NEURL1B: variants seen among roughly 807,000 people sequenced by gnomAD.
NEURL1B encodes the protein neuralized E3 ubiquitin protein ligase 1B, also known as E3 ubiquitin-protein ligase NEURL1B.
Under a neutral mutation model 37.4 loss-of-function variants are expected in NEURL1B, and 13 were observed. The observed-to-expected ratio is 0.35, with a 90% CI of 0.23 to 0.55. The LOEUF is 0.55. NEURL1B is among the 20% of genes least tolerant of loss of function. The probability of loss-of-function intolerance (pLI) is 0.89; values close to 1 mark genes in which losing one functional copy is unlikely to be tolerated. For synonymous variants in NEURL1B, 432 were observed against 426.6 expected (o/e 1.01, Z -0.16); for missense variants, 790 against 879.2 (o/e 0.90, Z 1.28).
At position 172,690,650 on chromosome 5, in the gene NEURL1B, A is replaced by G. The variant is rs920286472; in HGVS notation, c.*3725A>G. 6.6e-6 allele frequency: 1 copy of G among 152,230 alleles called. No individual in the cohort carries two copies. Among genetic ancestry groups the G allele is most frequent in the South Asian group, 2.1e-4 (1 of 4,830 alleles). The allele number at this position is 152,230 out of a possible 1,614,324, so 9.4% of individuals were successfully genotyped here. A position where few individuals can be genotyped will look rare whatever the true frequency, so the allele number is the denominator to read the frequency against. ...CAGAATCCACTGGGCTCTCTTGGCC[A>G]TCCGCTGCCTTGGGTCTGTTGAGGT... On this transcript the variant is annotated 3_prime_UTR_variant, in exon 5 of 5. Coordinates refer to ENST00000369800, the MANE Select transcript of NEURL1B (RefSeq NM_001142651.3).
chr5:172,672,976 A>G lies in NEURL1B; in HGVS notation c.577+2646A>G, dbSNP rs149373234. 2.2e-3 allele frequency among the ~76,000 whole-genome samples: 331 copies of G among 151,552 alleles called. 2 individuals are homozygous for G. Among genetic ancestry groups the G allele is most frequent in the African/African-American group, 7.5e-3 (309 of 40,930 alleles). On this transcript the variant is annotated intron_variant, in intron 2 of 4. Coordinates refer to ENST00000369800, the MANE Select transcript of NEURL1B (RefSeq NM_001142651.3). ...AAGGTTATTGTCCTTTCTGAAGGTT[A>G]TATGAGATAATAGAGGGGAAGTTTC...
chr5:172,662,945 G>A (rs1477887681), intron 1 of NEURL1B, among the ~76,000 whole-genome samples: 1 of 151,058 alleles, frequency 6.6e-6, no homozygotes, highest in Non-Finnish European at 1.5e-5. Context: ...ATGGGGGTTA[G>A]GCTGGGCATG....
intron 1 of NEURL1B, chr5:172,656,546 A>C: frequency 1.2e-6 from 2 of 1,610,416 alleles, no homozygotes; most frequent in Non-Finnish European, 1.7e-6. Flanking sequence ...TCTTAATTCC[A>C]CCTATGGCCA....
At chr5:172,673,743 C>T (rs4868195) in intron 2 of NEURL1B, among the ~76,000 whole-genome samples, 1 of 149,796 alleles carries the variant, frequency 6.7e-6, no homozygotes, top group Admixed American at 6.7e-5. Context: ...GGACCACAGG[C>T]TCATGCCTGG....
rs921999210 is a variant in NEURL1B at position 172,661,159 on chromosome 5, G to A, written c.32-8626G>A. Among the ~76,000 whole-genome samples the A allele has an allele frequency of 2.0e-5, 3 of 152,220 alleles. No homozygotes were observed. Among genetic ancestry groups the A allele is most frequent in the Non-Finnish European group, 4.4e-5 (3 of 68,048 alleles). ...GTGCTGGTTTACATTTTGGACTGGG[G>A]CAAATGTCATTTGAACCAGAGATTT... On this transcript the variant is annotated intron_variant, in intron 1 of 4. Transcript: ENST00000369800. This position sits in a 1 kb window ranked among gnomAD's most constrained non-coding sequence, Gnocchi z 4.0.
intron 1 of NEURL1B, among the ~76,000 whole-genome samples, chr5:172,667,071 C>G (rs1758027748): frequency 6.6e-6 from 1 of 151,918 alleles, no homozygotes; most frequent in African/African-American, 2.4e-5. Flanking sequence ...CCCTGCCCTC[C>G]AGGATCTACT....
At chr5:172,680,653 TAAG>T (rs1338610646) in intron 2 of NEURL1B, among the ~76,000 whole-genome samples, 1 of 152,214 alleles carries the variant, frequency 6.6e-6, no homozygotes, top group African/African-American at 2.4e-5. Context: ...TAGAAAACTA[TAAG>T]AAGCAAATTT....
At chr5:172,685,678 A>T (rs1370226292) in intron 3 of NEURL1B, among the ~76,000 whole-genome samples, 1 of 152,160 alleles carries the variant, frequency 6.6e-6, no homozygotes, top group African/African-American at 2.4e-5. Flanking sequence ...TCTCTTTCCA[A>T]CTCAAAGCTC....
chr5:172,655,417 G>A (rs1757753082), intron 1 of NEURL1B, among the ~76,000 whole-genome samples: 1 of 152,092 alleles, frequency 6.6e-6, no homozygotes, highest in African/African-American at 2.4e-5. Context: ...GCTCCCTAAG[G>A]GAGAATTAGG....
rs1226202061 is a variant in NEURL1B at position 172,661,652 on chromosome 5, T to C, written c.32-8133T>C. On this transcript the variant is annotated intron_variant, in intron 1 of 4. Coordinates refer to ENST00000369800, the MANE Select transcript of NEURL1B (RefSeq NM_001142651.3). The surrounding 1 kb of genome is among the most constrained non-coding windows in gnomAD (Gnocchi z 4.0). ...AAGGAAGAGGCAGAATAGACGATTC[T>C]CCCATTTGGCAATTCCCTTTCCTGG... is the stretch of plus-strand genomic sequence containing the variant. 6.6e-6 allele frequency among the ~76,000 whole-genome samples: 1 copy of C among 152,236 alleles called. No homozygotes were observed. Among genetic ancestry groups the C allele is most frequent in the Non-Finnish European group, 1.5e-5 (1 of 68,038 alleles).
chr5:172,683,839 C>A lies in NEURL1B; in HGVS notation c.998C>A (p.Ala333Glu). Reference sequence around the variant, plus strand: ...GTGGAGGTGGGCCGTCCGGGGCTGGCGGCGCCCGGCGCGCTGGCCTTCGGC... The same window carrying A: ...GTGGAGGTGGGCCGTCCGGGGCTGGAGGCGCCCGGCGCGCTGGCCTTCGGC... ...LFVEVGRPGL[A>E]APGALAFGIT... The change falls in exon 3 of 5, where the codon GCG becomes GAG. Residue 333 changes from alanine (A) to glutamate (E), a missense_variant. This residue lies in a region of NEURL1B where 460 missense variants were observed against 407.4 expected (regional missense o/e 1.13). Coordinates refer to ENST00000369800, the MANE Select transcript of NEURL1B (RefSeq NM_001142651.3). This position sits in a 1 kb window ranked among gnomAD's most constrained non-coding sequence, Gnocchi z 5.6. The A allele has an allele frequency of 3.8e-6, 5 of 1,325,510 alleles. No homozygotes were observed. The highest frequency in any genetic ancestry group is 3.4e-5 in the South Asian group (2 of 57,990). The allele number at this position is 1,325,510 out of a possible 1,614,324, so 82.1% of individuals were successfully genotyped here.
chr5:172,668,235 T>C (rs1052148483), intron 1 of NEURL1B, among the ~76,000 whole-genome samples: 2 of 152,200 alleles, frequency 1.3e-5, no homozygotes, highest in Admixed American at 1.3e-4. Flanking sequence ...GTATTCCCAG[T>C]GCCTGGCATG....
intron 1 of NEURL1B, among the ~76,000 whole-genome samples, chr5:172,649,263 C>G (rs1415103577): frequency 6.6e-6 from 1 of 151,452 alleles, no homozygotes; most frequent in Non-Finnish European, 1.5e-5. Flanking sequence ...GAATTATCCA[C>G]GAAGACGCCT....
chr5:172,660,641 T>C (rs1757880736), intron 1 of NEURL1B, among the ~76,000 whole-genome samples: 2 of 152,158 alleles, frequency 1.3e-5, no homozygotes, highest in South Asian at 4.1e-4. Context: ...TGTTTTTTCT[T>C]TTCTCTTTAT....
chr5:172,659,714 G>C (rs1757859729), intron 1 of NEURL1B, among the ~76,000 whole-genome samples: 1 of 152,078 alleles, frequency 6.6e-6, no homozygotes, highest in African/African-American at 2.4e-5. Context: ...GACCCTTTGT[G>C]ATACTGCCCC....
chr5:172,668,890 G>A (rs1758066003), intron 1 of NEURL1B, among the ~76,000 whole-genome samples: 1 of 152,162 alleles, frequency 6.6e-6, no homozygotes, highest in Non-Finnish European at 1.5e-5. Flanking sequence ...ACCACGCCGG[G>A]ATTCCCCAGG....
intron 1 of NEURL1B, among the ~76,000 whole-genome samples, chr5:172,654,051 T>C (rs1757718529): frequency 6.6e-6 from 1 of 152,242 alleles, no homozygotes; most frequent in Non-Finnish European, 1.5e-5. Context: ...CCTTCATGTC[T>C]GTGGACTAGA....
chr5:172,645,913 C>T (rs1426651612), intron 1 of NEURL1B, among the ~76,000 whole-genome samples: 1 of 152,218 alleles, frequency 6.6e-6, no homozygotes, highest in Admixed American at 6.5e-5. Flanking sequence ...CATGTGGTCT[C>T]TCCACCGTGG....
chr5:172,648,923 G>A (rs1288307171), intron 1 of NEURL1B, among the ~76,000 whole-genome samples: 1 of 152,174 alleles, frequency 6.6e-6, no homozygotes, highest in Non-Finnish European at 1.5e-5. Flanking sequence ...GATGCCCTGA[G>A]GGCTTTCTGG....
Sources: allele counts gnomAD v4.1 joint callset (sites outside exome capture counted in the v4.1 genomes callset), GRCh38; gene constraint gnomAD v4.1.1; regional missense constraint gnomAD v4.1.1; non-coding constraint Gnocchi (gnomAD v3.1); transcripts MANE v1.5; gene names NCBI Gene and HGNC (gene_info 2026-07-23, HGNC 2026-07-21).